Variants in DNAAF11 observed in about 807,000 individuals in gnomAD.
DNAAF11 encodes leucine rich repeat containing 6.
In DNAAF11, 45 loss-of-function variants were observed where a neutral mutation model predicts 60.8. The ratio of observed to expected loss-of-function variants is 0.74; its 90% confidence interval spans 0.58 to 0.95. The LOEUF is 0.95. Ranked by LOEUF, DNAAF11 falls within the 40% of genes least tolerant of loss-of-function variation. The probability of loss-of-function intolerance (pLI) is 0.00; values close to 1 mark genes in which losing one functional copy is unlikely to be tolerated. For missense variants in DNAAF11, 546 were observed against 546.2 expected, an observed-to-expected ratio of 1.00 and a Z score of 0.00; for synonymous variants, 191 against 183.5, an observed-to-expected ratio of 1.04 and a Z score of -0.33.
chr8:132,679,669 A>G (rs1825836591), upstream of DNAAF11, among the ~76,000 whole-genome samples: 1 of 152,178 alleles, frequency 6.6e-6, no homozygotes, highest in South Asian at 2.1e-4. Flanking sequence ...GGAGGTAATT[A>G]AACCAGGGGG....
chr8:132,638,132 C>T (rs749403945), intron 3 of DNAAF11, 25 bp from the exon 4 acceptor site: 2 of 1,593,284 alleles, frequency 1.3e-6, no homozygotes, highest in African/African-American at 2.7e-5. Context: ...AAAGTGAAAA[C>T]AAAGCAAACA....
chr8:132,627,858 C>T (rs1365708519), intron 5 of DNAAF11, among the ~76,000 whole-genome samples: 1 of 152,142 alleles, frequency 6.6e-6, no homozygotes, highest in Non-Finnish European at 1.5e-5. Context: ...CTGCTACCCT[C>T]GCTGGGACCA....
chr8:132,619,458 T>TC (rs1819540273), intron 7 of DNAAF11, among the ~76,000 whole-genome samples: 1 of 121,744 alleles, frequency 8.2e-6, no homozygotes. Context: ...TAATAATAAA[T>TC]TAAAAAAAAA....
At chr8:132,662,733 C>T (rs1042063658) in intron 1 of DNAAF11, among the ~76,000 whole-genome samples, 3 of 152,198 alleles carry the variant, frequency 2.0e-5, no homozygotes, top group African/African-American at 7.2e-5. Context: ...GCCAGACCAC[C>T]TGCTCTTAAC....
At chr8:132,683,198 G>T in the DNAAF11 span, among the ~76,000 whole-genome samples, 1 of 152,136 alleles carries the variant, frequency 6.6e-6, no homozygotes, top group Non-Finnish European at 1.5e-5. Context: ...TGAAGCAGGG[G>T]TCAATGACCA....
intron 3 of DNAAF11, among the ~76,000 whole-genome samples, chr8:132,642,315 T>C (rs1821936112): frequency 6.6e-6 from 1 of 152,266 alleles, no homozygotes; most frequent in African/African-American, 2.4e-5. Flanking sequence ...CTATCTTTAT[T>C]TGAAGGTCAG....
At position 132,632,787 on chromosome 8, in the gene DNAAF11, A is replaced by G. The variant is rs568785915; in HGVS notation, c.606T>C (p.Ser202=). ...ACCAACGTCCATCAAAGCCTGCGTT[A>G]CTTCTCTTGTCTTCATTTTTATCCT... The part of the protein sequence containing the change: ...QEEDKNEDKR[S]NAGFDGRWYT... The change falls in exon 5 of 12, where the codon AGT becomes AGC. Residue 202 remains serine, a synonymous_variant. Transcript: ENST00000620350. 1.2e-6 allele frequency: 2 copies of G among 1,613,842 alleles called. No homozygotes were observed. Among genetic ancestry groups the G allele is most frequent in the Admixed American group, 3.3e-5 (2 of 59,986 alleles).
intron 2 of DNAAF11, among the ~76,000 whole-genome samples, chr8:132,659,139 T>G (rs1220159273): frequency 2.0e-5 from 3 of 152,178 alleles, no homozygotes; most frequent in Non-Finnish European, 2.9e-5. Flanking sequence ...ACGGGGCACT[T>G]GACAAGACCC....
At chr8:132,638,168 C>T (rs145140916) in intron 3 of DNAAF11, 61 bp from the exon 4 acceptor site, 100 of 1,270,418 alleles carry the variant, frequency 7.9e-5, no homozygotes, top group Non-Finnish European at 1.1e-4. Context: ...GGTAACAAAA[C>T]GTGTGTAACA....
intron 8 of DNAAF11, among the ~76,000 whole-genome samples, chr8:132,612,755 A>G (rs920257803): frequency 4.6e-5 from 7 of 152,210 alleles, no homozygotes; most frequent in Non-Finnish European, 7.3e-5. Context: ...GCAGGCGTGA[A>G]CGAATGAATT....
chr8:132,633,691 T>C (rs1188821958), intron 4 of DNAAF11, among the ~76,000 whole-genome samples: 1 of 152,180 alleles, frequency 6.6e-6, no homozygotes, highest in African/African-American at 2.4e-5. Flanking sequence ...GTTAAGGATC[T>C]TGAATGATCA....
chr8:132,656,093 G>A (rs77310539), intron 3 of DNAAF11, among the ~76,000 whole-genome samples: 2,217 of 152,224 alleles, frequency 0.015, 66 homozygotes, highest in African/African-American at 0.05. Context: ...ATGCTGGAAC[G>A]CACCCAAATG....
At chr8:132,695,315 G>A in the DNAAF11 span, among the ~76,000 whole-genome samples, 3 of 152,104 alleles carry the variant, frequency 2.0e-5, no homozygotes, top group African/African-American at 4.8e-5. Context: ...ATTACAACAC[G>A]CTGGCATGCT....
intron 10 of DNAAF11, among the ~76,000 whole-genome samples, chr8:132,602,586 T>G (rs1217855348): frequency 6.6e-6 from 1 of 151,974 alleles, no homozygotes; most frequent in Non-Finnish European, 1.5e-5. Context: ...AACAATTTAA[T>G]GCCCACAGCA....
chr8:132,694,365 GA>G, the DNAAF11 span, among the ~76,000 whole-genome samples: 1 of 152,084 alleles, frequency 6.6e-6, no homozygotes, highest in Non-Finnish European at 1.5e-5. Flanking sequence ...ATAAGAAGGG[GA>G]AAAATTGGAC....
At position 132,661,532 on chromosome 8, in the gene DNAAF11, G is replaced by C. The variant is rs1412921217; in HGVS notation, c.106C>G (p.Leu36Val). The C allele has an allele frequency of 5.0e-6, 8 of 1,613,546 alleles. No individual in the cohort carries two copies. The Admixed American group carries it at 1.2e-4, about 24-fold the overall frequency. ...LSLHQQEIER[L>V]EHIDKWCRDL... ...CGGCACCATTTATCAATGTGTTCTAGTCTTTCTATTTCTTGCTGATGCAAC... is the reference window on the plus strand; with the variant it reads ...CGGCACCATTTATCAATGTGTTCTACTCTTTCTATTTCTTGCTGATGCAAC... The change falls in exon 2 of 12, where the codon CTA becomes GTA. Residue 36 changes from leucine to valine, a missense_variant. Physicochemically the swap from Leu to Val is conservative, Grantham distance 32. Transcript: ENST00000620350.
rs181740918 is a variant in DNAAF11 at position 132,599,861 on chromosome 8, G to C, written c.1140+10305C>G. Among the ~76,000 whole-genome samples, 1,332 of 152,238 alleles carry C rather than the reference G, an allele frequency of 8.7e-3. 20 individuals are homozygous for C. The highest frequency in any genetic ancestry group is 0.03 in the African/African-American group (1,262 of 41,534). On this transcript the variant is annotated intron_variant, in intron 10 of 11. Transcript: ENST00000620350. The stretch of plus-strand genomic sequence containing the variant: ...CTGGAAGCATTCCCTTTGAAAACTG[G>C]CACAAGACAGGGATGCCCTCTCTCA...
chr8:132,696,245 T>C, the DNAAF11 span, among the ~76,000 whole-genome samples: 44,547 of 152,088 alleles, frequency 0.29, 6,799 homozygotes, highest in East Asian at 0.38. Flanking sequence ...AATAATATAC[T>C]ACTTCACATC....
chr8:132,660,788 G>A (rs1824057642), intron 2 of DNAAF11, among the ~76,000 whole-genome samples: 1 of 152,116 alleles, frequency 6.6e-6, no homozygotes, highest in Admixed American at 6.5e-5. Flanking sequence ...TAAAGCAAAG[G>A]CCCACCTGGG....
Sources: gnomAD v4.1 joint callset for allele counts (sites outside exome capture counted in the v4.1 genomes callset) on GRCh38, gnomAD v4.1.1 for gene constraint, MANE v1.5 for transcripts, NCBI Gene and HGNC (gene_info 2026-07-23, HGNC 2026-07-21) for gene names.